IL6R: variants seen among roughly 807,000 people sequenced by gnomAD.
The protein encoded by IL6R is interleukin-6 receptor subunit alpha.
A neutral mutation model predicts 48.3 loss-of-function variants in IL6R; 38 were observed. The ratio of observed to expected loss-of-function variants is 0.79; its 90% CI spans 0.61 to 1.03. The LOEUF (loss-of-function observed/expected upper bound fraction) is 1.03, where lower values mean the gene tolerates loss of function less well. Among genes scored for constraint, IL6R ranks in the 50% least tolerant of loss-of-function variants. The probability of loss-of-function intolerance (pLI) is 0.00; values close to 1 mark genes in which losing one functional copy is unlikely to be tolerated. For missense variants in IL6R, 534 were observed against 618.3 expected (o/e 0.86, Z 1.45); for synonymous variants, 264 against 256.2 (o/e 1.03, Z -0.29).
At chr1:154,448,875 C>CTTCTT (rs55844786) in intron 7 of IL6R, among the ~76,000 whole-genome samples, 3,425 of 73,328 alleles carry the variant, frequency 0.047, 729 homozygotes, top group Admixed American at 0.082. Flanking sequence ...CTTGTAAGGG[C>CTTCTT]TTTTTTTTTT....
intron 6 of IL6R, among the ~76,000 whole-genome samples, chr1:154,443,915 C>T (rs974446260): frequency 6.6e-6 from 1 of 152,178 alleles, no homozygotes; most frequent in African/African-American, 2.4e-5. Flanking sequence ...GATCTCCCTG[C>T]CCTGCTTGTC....
intron 1 of IL6R, among the ~76,000 whole-genome samples, chr1:154,425,113 T>C (rs12118770): frequency 0.61 from 92,171 of 152,046 alleles, 28,565 homozygotes; most frequent in African/African-American, 0.72. Context: ...GGTCAGGGGT[T>C]GATCTTTAAC....
At chr1:154,424,855 C>T (rs1477039160) in intron 1 of IL6R, among the ~76,000 whole-genome samples, 2 of 152,094 alleles carry the variant, frequency 1.3e-5, no homozygotes, top group African/African-American at 4.8e-5. Context: ...GGGCTTCATT[C>T]GGCTGGGAGC....
In IL6R at chr1:154,405,529, G is replaced by GGCCCCCCCCCCC; in HGVS notation, c.-101_-100insGCCCCCCCCCCC. The GGCCCCCCCCCCC allele has an allele frequency of 2.6e-6, 1 of 388,508 alleles. No homozygotes were observed. The highest frequency in any genetic ancestry group is 4.7e-6 in the Non-Finnish European group (1 of 214,592). 24.1% of individuals were successfully genotyped at this position (388,508 alleles called of 1,614,324 possible). A position where few individuals can be genotyped will look rare whatever the true frequency, so the allele number is the denominator to read the frequency against. ...CTGCCCCCGGGGCCTGAGCCCGCCTGCCCGCCCACCGCCCCGCCCCGCCCC... is the reference window on the plus strand; with the variant it reads ...CTGCCCCCGGGGCCTGAGCCCGCCTGGCCCCCCCCCCCCCCGCCCACCGCCCCGCCCCGCCCC... On this transcript the variant is annotated 5_prime_UTR_variant, in exon 1 of 10. Coordinates refer to ENST00000368485, the MANE Select transcript of IL6R (RefSeq NM_000565.4). This position sits in a 1 kb window ranked among gnomAD's most constrained non-coding sequence, Gnocchi z 5.2.
chr1:154,463,628 A>G (rs548804405), intron 9 of IL6R, among the ~76,000 whole-genome samples: 1 of 152,294 alleles, frequency 6.6e-6, no homozygotes, highest in East Asian at 1.9e-4. Context: ...GTCAGTCACA[A>G]AGTGGGAAGC....
intron 1 of IL6R, among the ~76,000 whole-genome samples, chr1:154,409,605 C>T (rs979208208): frequency 3.3e-5 from 5 of 152,188 alleles, no homozygotes; most frequent in East Asian, 3.8e-4. Flanking sequence ...CCCTAACACA[C>T]AGCAAGTGCT....
intron 6 of IL6R, 53 bp from the exon 7 acceptor site, chr1:154,448,072 C>G: frequency 7.0e-7 from 1 of 1,430,906 alleles, no homozygotes; most frequent in African/African-American, 1.4e-5. Flanking sequence ...GCCCCTGAGA[C>G]AGGACTCCAG....
intron 9 of IL6R, among the ~76,000 whole-genome samples, chr1:154,461,986 C>G (rs1691289259): frequency 1.3e-5 from 2 of 152,200 alleles, no homozygotes; most frequent in African/African-American, 2.4e-5. Context: ...AAACAAAAGT[C>G]TTAGGATCCT....
chr1:154,442,085 C>A (rs137953997), intron 6 of IL6R, among the ~76,000 whole-genome samples: 24 of 152,174 alleles, frequency 1.6e-4, no homozygotes, highest in African/African-American at 5.3e-4. Flanking sequence ...TGGATGCCAT[C>A]GTGAACTCAC....
At position 154,465,486 on chromosome 1, in the gene IL6R, G is replaced by A. The variant is rs1225399297; in HGVS notation, c.*106G>A. ...ATGCCAGCTTATCTCAGGGGTGTGCGGCCTTTGGCTTCACGGAAGAGCCTT... is the reference window on the plus strand; with the variant it reads ...ATGCCAGCTTATCTCAGGGGTGTGCAGCCTTTGGCTTCACGGAAGAGCCTT... On this transcript the variant is annotated 3_prime_UTR_variant, in exon 10 of 10. Coordinates refer to ENST00000368485, the MANE Select transcript of IL6R (RefSeq NM_000565.4). The A allele has an allele frequency of 2.8e-5, 38 of 1,334,226 alleles. No individual in the cohort carries two copies. Among genetic ancestry groups the A allele is most frequent in the African/African-American group, 2.0e-4 (14 of 69,170 alleles). The allele number at this position is 1,334,226 out of a possible 1,614,324, so 82.6% of individuals were successfully genotyped here. A position where few individuals can be genotyped will look rare whatever the true frequency, so the allele number is the denominator to read the frequency against.
At chr1:154,446,201 C>A (rs958051380) in intron 6 of IL6R, among the ~76,000 whole-genome samples, 2 of 152,182 alleles carry the variant, frequency 1.3e-5, no homozygotes, top group Non-Finnish European at 2.9e-5. Flanking sequence ...TAAACTGGGT[C>A]CCTCCCATGA....
chr1:154,411,586 G>A (rs1688021868), intron 1 of IL6R, among the ~76,000 whole-genome samples: 1 of 152,228 alleles, frequency 6.6e-6, no homozygotes, highest in South Asian at 2.1e-4. Context: ...GTCTCTGAGA[G>A]AGGCCGCTGA....
chr1:154,448,587 A>G (rs1316097172), intron 7 of IL6R, among the ~76,000 whole-genome samples: 1 of 152,202 alleles, frequency 6.6e-6, no homozygotes, highest in African/African-American at 2.4e-5. Context: ...ATCCAACTAT[A>G]TCTCCTCCTG....
intron 1 of IL6R, among the ~76,000 whole-genome samples, chr1:154,411,537 A>AT (rs1276558738): frequency 6.6e-6 from 1 of 152,138 alleles, no homozygotes; most frequent in Non-Finnish European, 1.5e-5. Context: ...GGTCAGTGGA[A>AT]TGTTTTGCAA....
chr1:154,451,527 A>AAAC (rs1285993489), intron 8 of IL6R, among the ~76,000 whole-genome samples: 3 of 152,066 alleles, frequency 2.0e-5, no homozygotes, highest in Admixed American at 6.6e-5. Context: ...CAAAAAAACA[A>AAAC]AACAACAACA....
At chr1:154,411,987 G>A (rs866719577) in intron 1 of IL6R, among the ~76,000 whole-genome samples, 3 of 138,362 alleles carry the variant, frequency 2.2e-5, no homozygotes, top group East Asian at 2.1e-4. Flanking sequence ...TTGCTCTGTC[G>A]CCCAGGCTGG....
chr1:154,435,944 A>G (rs1318312437), intron 5 of IL6R, 25 bp from the exon 6 acceptor site: 2 of 1,580,856 alleles, frequency 1.3e-6, no homozygotes, highest in African/African-American at 2.7e-5. Context: ...ATACCTCCCC[A>G]GAGTCACCGT....
intron 9 of IL6R, among the ~76,000 whole-genome samples, chr1:154,464,197 C>T (rs1691419483): frequency 6.6e-6 from 1 of 150,836 alleles, no homozygotes; most frequent in African/African-American, 2.4e-5. Flanking sequence ...TCTTGTTGCC[C>T]AGGCTGAAGT....
At chr1:154,417,439 C>A (rs1436301250) in intron 1 of IL6R, among the ~76,000 whole-genome samples, 1 of 152,202 alleles carries the variant, frequency 6.6e-6, no homozygotes, top group Non-Finnish European at 1.5e-5. Context: ...CCTTTCAGGA[C>A]CAAAATACTG....
Sources: allele counts gnomAD v4.1 joint callset (sites outside exome capture counted in the v4.1 genomes callset), GRCh38; gene constraint gnomAD v4.1.1; non-coding constraint Gnocchi (gnomAD v3.1); transcripts MANE v1.5; gene names NCBI Gene and HGNC (gene_info 2026-07-23, HGNC 2026-07-21).